UBE2W: variants seen among roughly 807,000 people sequenced by gnomAD.
UBE2W encodes ubiquitin-conjugating enzyme E2 W.
In UBE2W, 18 loss-of-function variants were observed where a neutral mutation model predicts 27.2. The ratio of observed to expected loss-of-function variants is 0.66; its 90% confidence interval spans 0.46 to 0.98. The LOEUF (loss-of-function observed/expected upper bound fraction) is 0.98. UBE2W is among the 50% of genes least tolerant of loss of function. The pLI, the probability that UBE2W is intolerant of heterozygous loss-of-function variation, is 0.00. For missense variants in UBE2W, 90 were observed against 180.2 expected, an observed-to-expected ratio of 0.50 and a Z score of 2.87; for synonymous variants, 53 against 57.2, an observed-to-expected ratio of 0.93 and a Z score of 0.33.
chr8:73,876,593 G>C (rs1251143134), intron 1 of UBE2W, among the ~76,000 whole-genome samples: 1 of 152,178 alleles, frequency 6.6e-6, no homozygotes, highest in Admixed American at 6.5e-5. Context: ...TAAAAGGGTG[G>C]TAAGAGTCTG....
rs142040684 is a variant in UBE2W at position 73,872,123 on chromosome 8, T to A, written c.15+6685A>T. On this transcript the variant is annotated intron_variant, in intron 1 of 5. Transcript: ENST00000602593. Reference sequence around the variant, plus strand: ...TCTCCTTGATAATGAAGATTATCTTTGAAGGCCAGGCGCGGTGGCCAGCCT... The same window carrying A: ...TCTCCTTGATAATGAAGATTATCTTAGAAGGCCAGGCGCGGTGGCCAGCCT... Among the ~76,000 whole-genome samples, 399 of 152,352 alleles carry A rather than the reference T, an allele frequency of 2.6e-3. 1 individual carries two copies. The highest frequency in any genetic ancestry group is 9.3e-3 in the African/African-American group (387 of 41,586).
chr8:73,805,472 C>CAAAAAAAAAAACAAAAACAAA, intron 5 of UBE2W, among the ~76,000 whole-genome samples, 179 bp downstream of exon 5: 1 of 43,676 alleles, frequency 2.3e-5, no homozygotes, highest in Non-Finnish European at 5.0e-5. Flanking sequence ...AAAAAAAAAA[C>CAAAAAAAAAAACAAAAACAAA]AAAAAAAACT....
chr8:73,822,496 C>T (rs913147342), intron 3 of UBE2W, among the ~76,000 whole-genome samples: 6 of 147,938 alleles, frequency 4.1e-5, no homozygotes, highest in South Asian at 2.1e-4. Context: ...GGAGGGACAA[C>T]GATCAGGAAA....
chr8:73,807,767 T>C (rs1334217908), intron 4 of UBE2W, among the ~76,000 whole-genome samples: 1 of 152,118 alleles, frequency 6.6e-6, no homozygotes, highest in Non-Finnish European at 1.5e-5. Context: ...AAAATACATA[T>C]TTAGAAAAAA....
At chr8:73,842,528 C>CAAAAAAAAAAA (rs759063478) in intron 1 of UBE2W, among the ~76,000 whole-genome samples, 3 of 9,676 alleles carry the variant, frequency 3.1e-4, no homozygotes, top group African/African-American at 8.4e-4. Flanking sequence ...GACTCCGTCT[C>CAAAAAAAAAAA]AAAAAAAAAA....
Position 73,794,259 on chromosome 8 carries a change from A to AC in UBE2W, c.443-145dup. ...ATCTGCCTCCCCCAAACCTGTGAAT[A>AC]CAAAGTGCAATATATGTTCAATTAT... On this transcript the variant is annotated intron_variant, in intron 5 of 5. Coordinates refer to ENST00000602593, the MANE Select transcript of UBE2W (RefSeq NM_018299.6). The AC allele has an allele frequency of 3.1e-6, 3 of 962,040 alleles. No homozygotes were observed. The Admixed American group carries it at 8.2e-5, about 26-fold the overall frequency. 59.6% of individuals were successfully genotyped at this position (962,040 alleles called of 1,614,324 possible). A position where few individuals can be genotyped will look rare whatever the true frequency, so the allele number is the denominator to read the frequency against.
At chr8:73,835,721 C>T (rs1337125604) in intron 1 of UBE2W, among the ~76,000 whole-genome samples, 3 of 152,070 alleles carry the variant, frequency 2.0e-5, no homozygotes, top group Non-Finnish European at 2.9e-5. Context: ...CCAGCCTGGG[C>T]GAGAGAGCGA....
chr8:73,790,643 T>C lies in UBE2W; in HGVS notation c.*3459A>G, dbSNP rs1173661632. ...CACTGAATTCTTTATTTAAAAAAAT[T>C]TTTGTAACACACAGTACCTCCTCTT... On this transcript the variant is annotated 3_prime_UTR_variant, in exon 6 of 6. Coordinates refer to ENST00000602593, the MANE Select transcript of UBE2W (RefSeq NM_018299.6). 2 of 984,450 alleles carry C rather than the reference T, an allele frequency of 2.0e-6. No individual in the cohort carries two copies. Among genetic ancestry groups the C allele is most frequent in the East Asian group, 1.1e-4 (1 of 8,820 alleles). The allele number at this position is 984,450 out of a possible 1,614,324, so 61.0% of individuals were successfully genotyped here. A position where few individuals can be genotyped will look rare whatever the true frequency, so the allele number is the denominator to read the frequency against.
At chr8:73,849,182 A>T (rs114796536) in intron 1 of UBE2W, among the ~76,000 whole-genome samples, 2,194 of 152,270 alleles carry the variant, frequency 0.014, 62 homozygotes, top group African/African-American at 0.05. Flanking sequence ...AAATAACAGT[A>T]AAATAAGTGC....
intron 1 of UBE2W, among the ~76,000 whole-genome samples, chr8:73,837,419 A>G (rs1314434496): frequency 6.6e-6 from 1 of 152,136 alleles, no homozygotes; most frequent in African/African-American, 2.4e-5. Context: ...AGGCTGAGGC[A>G]GGAGAAATGT....
chr8:73,845,114 C>T (rs1413329251), intron 1 of UBE2W, among the ~76,000 whole-genome samples: 2 of 131,394 alleles, frequency 1.5e-5, no homozygotes, highest in African/African-American at 5.4e-5. Context: ...CCCGCCTGGC[C>T]GCCGCCCCGT....
downstream of UBE2W, among the ~76,000 whole-genome samples, chr8:73,781,619 G>GTT (rs112691687): frequency 0.012 from 1,653 of 140,706 alleles, 29 homozygotes; most frequent in East Asian, 0.078. Flanking sequence ...TCAGGTTTGG[G>GTT]TTTTTTTTTT....
In UBE2W at chr8:73,864,215, G is replaced by A. The variant is rs188835153; in HGVS notation, c.15+14593C>T. On this transcript the variant is annotated intron_variant, in intron 1 of 5. Transcript: ENST00000602593. ...TCAAGACCAGCGTGGCCAACATGGC[G>A]AAACCTCGTCTCTACTAAAAATACA... is the stretch of plus-strand genomic sequence containing the variant. 3.0e-4 allele frequency among the ~76,000 whole-genome samples: 45 copies of A among 152,240 alleles called. 1 individual carries two copies. The highest frequency in any genetic ancestry group is 3.4e-3 in the Middle Eastern group (1 of 294).
At position 73,793,770 on chromosome 8, in the gene UBE2W, C is replaced by G. The variant is rs192629589; in HGVS notation, c.*332G>C. ...TTGCCGGCAATGAACGTACCAAAAC[C>G]GCCAAGGAAGTCATTGTTATTGCAC... On this transcript the variant is annotated 3_prime_UTR_variant, in exon 6 of 6. Transcript: ENST00000602593. 2 of 1,047,096 alleles carry G rather than the reference C, an allele frequency of 1.9e-6. No individual in the cohort carries two copies. Among genetic ancestry groups the G allele is most frequent in the African/African-American group, 1.7e-5 (1 of 59,662 alleles). The allele number at this position is 1,047,096 out of a possible 1,614,324, so 64.9% of individuals were successfully genotyped here.
intron 3 of UBE2W, among the ~76,000 whole-genome samples, chr8:73,816,983 A>G (rs1586471721): frequency 6.6e-6 from 1 of 152,136 alleles, no homozygotes; most frequent in South Asian, 2.1e-4. Context: ...GCAGTGAGCC[A>G]AGATTGCGCC....
chr8:73,795,291 A>G (rs923260609), intron 5 of UBE2W, among the ~76,000 whole-genome samples: 6 of 152,124 alleles, frequency 3.9e-5, no homozygotes, highest in Non-Finnish European at 7.4e-5. Flanking sequence ...TCCCTCAGGA[A>G]TGGTTTGGTG....
At chr8:73,780,459 C>T (rs776584796) in exon 5 of UBE2W, 5 of 451,112 alleles carry the variant, frequency 1.1e-5, no homozygotes, top group Non-Finnish European at 1.8e-5. Context: ...GACTTCAACA[C>T]ATCTTATTGG....
chr8:73,784,270 A>T (rs1203988526), downstream of UBE2W, among the ~76,000 whole-genome samples: 1 of 152,072 alleles, frequency 6.6e-6, no homozygotes, highest in Non-Finnish European at 1.5e-5. Flanking sequence ...CTCTGTGATT[A>T]CCCCAGGATA....
chr8:73,842,524 G>C (rs560380431), intron 1 of UBE2W, among the ~76,000 whole-genome samples: 1 of 64,690 alleles, frequency 1.5e-5, no homozygotes, highest in Admixed American at 2.6e-4. Context: ...GGGAGACTCC[G>C]TCTCAAAAAA....
Sources: allele counts gnomAD v4.1 joint callset (sites outside exome capture counted in the v4.1 genomes callset), GRCh38; gene constraint gnomAD v4.1.1; transcripts MANE v1.5; gene names NCBI Gene and HGNC (gene_info 2026-07-23, HGNC 2026-07-21).